The following CEP128 variants were observed in gnomAD, a reference collection of about 807,000 sequenced individuals.
CEP128 encodes the protein centrosomal protein 128, also known as centrosomal protein 128kDa.
CEP128 carries 132 observed loss-of-function variants against 156.7 expected under a neutral mutation model. The observed-to-expected ratio is 0.84, with a 90% CI of 0.73 to 0.97. The LOEUF is 0.97. Ranked by LOEUF, CEP128 falls within the 50% of genes least tolerant of loss-of-function variation. The pLI is 0.00. For synonymous variants in CEP128, 469 were observed against 448.9 expected (o/e 1.04, Z -0.57); for missense variants, 1,252 against 1,281.9 (o/e 0.98, Z 0.36).
intron 21 of CEP128, among the ~76,000 whole-genome samples, chr14:80,538,745 C>T (rs917383483): frequency 6.6e-6 from 1 of 152,120 alleles, no homozygotes. Context: ...TAATGAAAAG[C>T]ACAAATCCTA....
chr14:80,794,699 A>T (rs1901895868), intron 13 of CEP128, among the ~76,000 whole-genome samples: 2 of 152,156 alleles, frequency 1.3e-5, no homozygotes, highest in African/African-American at 2.4e-5. Context: ...AATAGGACAT[A>T]GTTTTAATAC....
chr14:80,714,083 T>G (rs1246316971), intron 19 of CEP128, among the ~76,000 whole-genome samples: 1 of 152,212 alleles, frequency 6.6e-6, no homozygotes, highest in African/African-American at 2.4e-5. Flanking sequence ...TAAATCTACT[T>G]GGAAGAATAT....
chr14:80,627,496 C>T (rs911465558), intron 19 of CEP128, among the ~76,000 whole-genome samples: 1 of 152,070 alleles, frequency 6.6e-6, no homozygotes, highest in African/African-American at 2.4e-5. Flanking sequence ...TTGTAAGGCC[C>T]ATTGTAGATG....
chr14:80,612,781 T>C (rs1057238406), intron 19 of CEP128, among the ~76,000 whole-genome samples: 3 of 152,192 alleles, frequency 2.0e-5, no homozygotes, highest in Non-Finnish European at 4.4e-5. Flanking sequence ...TAGGTCCAAT[T>C]ACATTTTAAA....
rs548336744 is a variant in CEP128, at chr14:80,532,544, T to C, written c.2881-1658A>G. ...ACGGGGTTCAGGGTAGAGGCACATA[T>C]GGAGACAGAGGGCTGAGGGTCTAAC... is the stretch of plus-strand genomic sequence containing the variant. On this transcript the variant is annotated intron_variant, in intron 21 of 24. Coordinates refer to ENST00000555265, the MANE Select transcript of CEP128 (RefSeq NM_152446.5). 6.6e-5 allele frequency among the ~76,000 whole-genome samples: 10 copies of C among 152,274 alleles called. No individual in the cohort carries two copies. The South Asian group carries it at 1.9e-3, about 28-fold the overall frequency.
intron 19 of CEP128, among the ~76,000 whole-genome samples, chr14:80,656,292 TA>T (rs1240850081): frequency 0.12 from 261 of 2,140 alleles, 12 homozygotes; most frequent in African/African-American, 0.32. Flanking sequence ...TATATATATT[TA>T]TATATATATA....
intron 19 of CEP128, among the ~76,000 whole-genome samples, chr14:80,669,329 T>C (rs905517688): frequency 6.6e-6 from 1 of 152,102 alleles, no homozygotes; most frequent in Middle Eastern, 3.2e-3. Context: ...GGACTTAATT[T>C]ATAAGCTTCT....
chr14:80,820,295 T>C (rs1406748592), intron 13 of CEP128, among the ~76,000 whole-genome samples: 1 of 152,222 alleles, frequency 6.6e-6, no homozygotes, highest in Non-Finnish European at 1.5e-5. Context: ...TGCCAGTTAG[T>C]TTGATTGAAT....
In CEP128 at chr14:80,776,035, C is replaced by A. The variant is rs759068584; in HGVS notation, c.2376+1847G>T. On this transcript the variant is annotated intron_variant, in intron 16 of 24. Coordinates refer to ENST00000555265, the MANE Select transcript of CEP128 (RefSeq NM_152446.5). ...TTTTAGCAGAGACAGGGCTTCACCA[C>A]GTTGGCCAGGCTGGTCTAGAATTCC... is the stretch of plus-strand genomic sequence containing the variant. 7.5e-4 allele frequency among the ~76,000 whole-genome samples: 114 copies of A among 152,120 alleles called. 1 individual carries two copies. The highest frequency in any genetic ancestry group is 1.6e-3 in the Non-Finnish European group (110 of 67,982).
intron 2 of CEP128, among the ~76,000 whole-genome samples, chr14:80,934,688 G>A (rs1885683223): frequency 6.6e-6 from 1 of 152,050 alleles, no homozygotes; most frequent in Non-Finnish European, 1.5e-5. Context: ...TGCAAATGAA[G>A]AACTACTAAC....
At position 80,785,248 on chromosome 14, in the gene CEP128, T is replaced by G. The variant is rs140188619; in HGVS notation, c.1858A>C (p.Lys620Gln). 3.6e-4 allele frequency: 578 copies of G among 1,614,078 alleles called. No homozygotes were observed. The highest frequency in any genetic ancestry group is 4.5e-4 in the Non-Finnish European group (531 of 1,180,026). The change falls in exon 15 of 25, where the codon AAG becomes CAG. Residue 620 changes from lysine to glutamine, a missense_variant. Physicochemically the swap from Lys to Gln is moderately conservative, Grantham distance 53 (BLOSUM62 1). Coordinates refer to ENST00000555265, the MANE Select transcript of CEP128 (RefSeq NM_152446.5). ...GCTTTGTCCTGGGCCTGGCTCTTCT[T>G]GAGCTCTGCAATTTCTTCCTCCAAG... ...AHLEEEIAEL[K>Q]KSQAQDKAKL...
chr14:80,583,332 T>G (rs1461632523), intron 19 of CEP128, among the ~76,000 whole-genome samples: 3 of 152,144 alleles, frequency 2.0e-5, no homozygotes, highest in Non-Finnish European at 2.9e-5. Flanking sequence ...GGTTTTTATT[T>G]TTTTTTTCTT....
intron 17 of CEP128, among the ~76,000 whole-genome samples, chr14:80,758,549 C>T (rs114635297): frequency 0.01 from 1,534 of 148,342 alleles, 15 homozygotes; most frequent in Middle Eastern, 0.046. Flanking sequence ...AACCATTTAA[C>T]GAACGGTGTC....
At chr14:80,904,377 T>C (rs900075073) in intron 6 of CEP128, among the ~76,000 whole-genome samples, 2 of 151,930 alleles carry the variant, frequency 1.3e-5, no homozygotes, top group Non-Finnish European at 2.9e-5. Flanking sequence ...GAGTTGTTGA[T>C]CAAACAGTCC....
At chr14:80,786,886 T>C (rs1004393680) in intron 14 of CEP128, among the ~76,000 whole-genome samples, 6 of 152,158 alleles carry the variant, frequency 3.9e-5, no homozygotes, top group African/African-American at 9.6e-5. Flanking sequence ...GGCGGGAAGA[T>C]AGCTTTGGCT....
chr14:80,715,633 A>C (rs994812833), intron 19 of CEP128, among the ~76,000 whole-genome samples: 1 of 152,188 alleles, frequency 6.6e-6, no homozygotes, highest in Non-Finnish European at 1.5e-5. Context: ...CAAAAGACCC[A>C]AGGCAAAAAA....
intron 21 of CEP128, among the ~76,000 whole-genome samples, chr14:80,537,045 C>T (rs1040267517): frequency 1.3e-5 from 2 of 152,154 alleles, no homozygotes; most frequent in African/African-American, 4.8e-5. Context: ...TCATATAACA[C>T]TATTGTAGTC....
At chr14:80,510,507 T>A (rs1888195533) in intron 23 of CEP128, among the ~76,000 whole-genome samples, 1 of 151,972 alleles carries the variant, frequency 6.6e-6, no homozygotes, top group Non-Finnish European at 1.5e-5. Context: ...TCAGTTCTAA[T>A]AGCTTCTCAG....
At chr14:80,676,463 T>A (rs74431744) in intron 19 of CEP128, among the ~76,000 whole-genome samples, 12 of 151,578 alleles carry the variant, frequency 7.9e-5, no homozygotes, top group Admixed American at 2.6e-4. Flanking sequence ...AAAAAAAAAA[T>A]AATCAGATCA....
Sources: gnomAD v4.1 joint callset for allele counts (sites outside exome capture counted in the v4.1 genomes callset) on GRCh38, gnomAD v4.1.1 for gene constraint, MANE v1.5 for transcripts, NCBI Gene and HGNC (gene_info 2026-07-23, HGNC 2026-07-21) for gene names.